TRAPPC9: variants seen among roughly 807,000 people sequenced by gnomAD.
TRAPPC9 encodes trafficking protein particle complex subunit 9, also known as IKK2 binding protein.
TRAPPC9 carries 83 observed loss-of-function variants against 124.0 expected under a neutral mutation model. The ratio of observed to expected loss-of-function variants is 0.67; its 90% confidence interval spans 0.56 to 0.80. The LOEUF (loss-of-function observed/expected upper bound fraction) is 0.80. Ranked by LOEUF, TRAPPC9 falls within the 30% of genes least tolerant of loss-of-function variation. The probability of loss-of-function intolerance (pLI) is 0.00; values close to 1 mark genes in which losing one functional copy is unlikely to be tolerated. For missense variants in TRAPPC9, 1,302 were observed against 1,508.3 expected (o/e 0.86, Z 2.27); for synonymous variants, 638 against 617.5 (o/e 1.03, Z -0.49).
chr8:140,196,775 C>T (rs1251623104), intron 17 of TRAPPC9, among the ~76,000 whole-genome samples: 2 of 151,920 alleles, frequency 1.3e-5, no homozygotes, highest in Non-Finnish European at 2.9e-5. Flanking sequence ...ATCCGCTATA[C>T]AGCTCACACC....
At chr8:139,977,744 G>T (rs142134483) in intron 19 of TRAPPC9, among the ~76,000 whole-genome samples, 2 of 151,426 alleles carry the variant, frequency 1.3e-5, no homozygotes, top group African/African-American at 4.9e-5. Flanking sequence ...GCAGTGGGGC[G>T]ATCTCAGCTC....
At chr8:139,968,701 A>G (rs1835871435) in intron 19 of TRAPPC9, among the ~76,000 whole-genome samples, 1 of 152,184 alleles carries the variant, frequency 6.6e-6, no homozygotes. Flanking sequence ...GTTGTTAAAT[A>G]CAAGACAGGC....
chr8:140,160,985 C>T (rs559076224), intron 17 of TRAPPC9, among the ~76,000 whole-genome samples: 17 of 152,302 alleles, frequency 1.1e-4, no homozygotes, highest in African/African-American at 4.1e-4. Flanking sequence ...AACCGCCTGA[C>T]TTCATCAGAA....
chr8:139,926,998 C>T (rs951388201), intron 19 of TRAPPC9, among the ~76,000 whole-genome samples: 1 of 152,074 alleles, frequency 6.6e-6, no homozygotes, highest in African/African-American at 2.4e-5. Flanking sequence ...GAAAAATAGG[C>T]AAAATATTTA....
intron 21 of TRAPPC9, among the ~76,000 whole-genome samples, chr8:139,764,112 G>T (rs1820420802): frequency 6.6e-6 from 1 of 152,176 alleles, no homozygotes; most frequent in African/African-American, 2.4e-5. Flanking sequence ...AGTACGGTGA[G>T]GGCACAGGTG....
intron 17 of TRAPPC9, among the ~76,000 whole-genome samples, chr8:140,196,598 A>G (rs1313662163): frequency 7.0e-4 from 104 of 148,814 alleles, no homozygotes; most frequent in African/African-American, 2.4e-3. Flanking sequence ...ACGATCCACC[A>G]TACAGATCAC....
At chr8:140,229,483 C>G (rs942349223) in intron 16 of TRAPPC9, among the ~76,000 whole-genome samples, 8 of 151,872 alleles carry the variant, frequency 5.3e-5, no homozygotes, top group Non-Finnish European at 1.2e-4. Context: ...CCAGGCTGCT[C>G]TTGAACTCCT....
intron 19 of TRAPPC9, among the ~76,000 whole-genome samples, chr8:139,982,379 C>T (rs199543887): frequency 1.3e-5 from 2 of 152,184 alleles, no homozygotes; most frequent in African/African-American, 2.4e-5. Context: ...TGGTGGGTCT[C>T]GACCTCTTTT....
intron 20 of TRAPPC9, among the ~76,000 whole-genome samples, chr8:139,899,544 A>C (rs1830890512): frequency 6.6e-6 from 1 of 152,120 alleles, no homozygotes; most frequent in Non-Finnish European, 1.5e-5. Flanking sequence ...GCAGAGGTGA[A>C]AGAAAATCTG....
chr8:140,248,481 C>T (rs750435120), intron 16 of TRAPPC9, among the ~76,000 whole-genome samples: 38 of 152,338 alleles, frequency 2.5e-4, no homozygotes, highest in Middle Eastern at 6.8e-3. Context: ...CTTGTGCAGA[C>T]GGTGAAACCG....
chr8:140,108,250 C>T (rs958352154), intron 17 of TRAPPC9, among the ~76,000 whole-genome samples: 1 of 152,174 alleles, frequency 6.6e-6, no homozygotes, highest in Non-Finnish European at 1.5e-5. Context: ...AAACCAGAAT[C>T]AGAAGCCAAA....
At chr8:140,263,945 T>C (rs1463741557) in intron 15 of TRAPPC9, among the ~76,000 whole-genome samples, 2 of 152,104 alleles carry the variant, frequency 1.3e-5, no homozygotes, top group Admixed American at 1.3e-4. Flanking sequence ...ATGTGAAAAC[T>C]GAAGCAGAGA....
At chr8:140,449,933 C>A (rs1384551458) in intron 2 of TRAPPC9, among the ~76,000 whole-genome samples, 2 of 152,236 alleles carry the variant, frequency 1.3e-5, no homozygotes, top group Admixed American at 6.5e-5. Flanking sequence ...CACGTAAGTA[C>A]ATTTCAGTTT....
chr8:140,284,150 C>A, intron 13 of TRAPPC9, 129 bp from the exon 14 acceptor site: 2 of 1,209,848 alleles, frequency 1.7e-6, no homozygotes, highest in African/African-American at 1.5e-5. Context: ...CCGGGGCCCG[C>A]CGGCGCTCAC....
intron 16 of TRAPPC9, among the ~76,000 whole-genome samples, chr8:140,247,618 G>A (rs576031473): frequency 6.6e-6 from 1 of 151,710 alleles, no homozygotes; most frequent in African/African-American, 2.4e-5. Flanking sequence ...ACATGTTGTG[G>A]TTCCATTGTT....
At chr8:140,298,304 C>A (rs561483860) in intron 11 of TRAPPC9, among the ~76,000 whole-genome samples, 4 of 152,138 alleles carry the variant, frequency 2.6e-5, no homozygotes, top group Non-Finnish European at 4.4e-5. Flanking sequence ...TATTATGAGA[C>A]CCTTACAGAA....
chr8:140,041,632 G>A (rs1408986113), intron 17 of TRAPPC9, among the ~76,000 whole-genome samples: 4 of 152,126 alleles, frequency 2.6e-5, no homozygotes, highest in African/African-American at 7.2e-5. Context: ...CCCTCATGGC[G>A]GTCACACCAT....
intron 21 of TRAPPC9, among the ~76,000 whole-genome samples, chr8:139,815,805 C>T (rs1183533734): frequency 6.6e-6 from 1 of 152,218 alleles, no homozygotes; most frequent in Non-Finnish European, 1.5e-5. Flanking sequence ...GGATCACCAG[C>T]AGGGGAACAC....
chr8:140,373,706 T>A lies in TRAPPC9; in HGVS notation c.1135-2526A>T, dbSNP rs533175089. ...TGAGGATATCACCTGCTCACCAGCA[T>A]ATGAGGATATCAGTCTTTTTTATTT... On this transcript the variant is annotated intron_variant, in intron 7 of 22. Transcript: ENST00000438773. 3.5e-4 allele frequency among the ~76,000 whole-genome samples: 54 copies of A among 152,136 alleles called. No individual in the cohort carries two copies. The Middle Eastern group carries it at 0.014, about 38-fold the overall frequency.
Sources: allele counts gnomAD v4.1 joint callset (sites outside exome capture counted in the v4.1 genomes callset), GRCh38; gene constraint gnomAD v4.1.1; transcripts MANE v1.5; gene names NCBI Gene and HGNC (gene_info 2026-07-23, HGNC 2026-07-21).